Variants in POLR3B observed in about 807,000 individuals in gnomAD.
The protein encoded by POLR3B is DNA-directed RNA polymerase III subunit RPC2.
A neutral mutation model predicts 147.4 loss-of-function variants in POLR3B; 96 were observed. The observed-to-expected ratio is 0.65, with a 90% CI of 0.55 to 0.77. The LOEUF is 0.77. Among genes scored for constraint, POLR3B ranks in the 30% least tolerant of loss-of-function variants. The pLI, the probability that POLR3B is intolerant of heterozygous loss-of-function variation, is 0.00. For synonymous variants in POLR3B, 461 were observed against 485.9 expected (o/e 0.95, Z 0.67); for missense variants, 1,036 against 1,413.5 (o/e 0.73, Z 4.28).
Position 106,357,932 on chromosome 12 carries a change from C to G in POLR3B, c.53C>G (p.Ala18Gly). 1 of 1,613,120 alleles carries G rather than the reference C, an allele frequency of 6.2e-7. No individual in the cohort carries two copies. Among genetic ancestry groups the G allele is most frequent in the Non-Finnish European group, 8.5e-7 (1 of 1,179,940 alleles). The change falls in exon 1 of 28, where the codon GCG (alanine) becomes GGG (glycine). Residue 18 changes from alanine (A) to glycine (G), a missense_variant. Coordinates refer to ENST00000228347, the MANE Select transcript of POLR3B (RefSeq NM_018082.6). ...AACCTGACTCCGGAGCAGCTGGCGG[C>G]GCCGATCCCGACTGTAGAGGTCAGT... ...FGNLTPEQLA[A>G]PIPTVEEKWR...
At chr12:106,502,576 G>T (rs940438843) in intron 26 of POLR3B, among the ~76,000 whole-genome samples, 1 of 152,166 alleles carries the variant, frequency 6.6e-6, no homozygotes, top group African/African-American at 2.4e-5. Context: ...TAACAATGTA[G>T]AGAAGGGGCA....
intron 23 of POLR3B, among the ~76,000 whole-genome samples, chr12:106,468,073 G>A (rs776655500): frequency 2.0e-5 from 3 of 152,104 alleles, no homozygotes; most frequent in African/African-American, 2.4e-5. Context: ...CTGTGAATCC[G>A]TCTGGTCCTG....
chr12:106,396,918 C>T (rs1363415341), intron 10 of POLR3B, among the ~76,000 whole-genome samples: 1 of 151,898 alleles, frequency 6.6e-6, no homozygotes, highest in African/African-American at 2.4e-5. Flanking sequence ...ATAGTGAGAC[C>T]CTGTTTCTAC....
intron 22 of POLR3B, among the ~76,000 whole-genome samples, chr12:106,462,604 A>G (rs563923903): frequency 4.6e-5 from 7 of 152,194 alleles, no homozygotes; most frequent in Non-Finnish European, 8.8e-5. Context: ...AACTTGAGTA[A>G]GTTAAGTAAA....
At chr12:106,394,859 A>T (rs148912135) in intron 10 of POLR3B, among the ~76,000 whole-genome samples, 1 of 152,362 alleles carries the variant, frequency 6.6e-6, no homozygotes, top group Non-Finnish European at 1.5e-5. Flanking sequence ...GGCACATATT[A>T]GCTATTGAAA....
chr12:106,490,135 T>C, intron 23 of POLR3B, among the ~76,000 whole-genome samples: 1 of 152,222 alleles, frequency 6.6e-6, no homozygotes, highest in East Asian at 1.9e-4. Flanking sequence ...GACCTTTCAG[T>C]AAATATCCAA....
intron 1 of POLR3B, among the ~76,000 whole-genome samples, chr12:106,359,395 A>G (rs534380843): frequency 5.7e-4 from 81 of 143,102 alleles, no homozygotes; most frequent in Middle Eastern, 3.9e-3. Context: ...GCAGTGGTGT[A>G]ATCTCGGCTG....
intron 9 of POLR3B, among the ~76,000 whole-genome samples, chr12:106,383,860 C>T (rs1426172542): frequency 1.3e-5 from 2 of 152,064 alleles, no homozygotes; most frequent in Non-Finnish European, 2.9e-5. Flanking sequence ...CATCTGTAAT[C>T]TCAGCTACTT....
intron 12 of POLR3B, among the ~76,000 whole-genome samples, chr12:106,425,950 T>G (rs1186503985): frequency 6.6e-6 from 1 of 152,202 alleles, no homozygotes; most frequent in Non-Finnish European, 1.5e-5. Context: ...GAGTATTTGT[T>G]TTTAATACTC....
chr12:106,489,968 A>C (rs1051590772), intron 23 of POLR3B, among the ~76,000 whole-genome samples: 2 of 152,148 alleles, frequency 1.3e-5, no homozygotes, highest in Non-Finnish European at 2.9e-5. Flanking sequence ...GATCCATCAG[A>C]GTTTCAGTCC....
At chr12:106,442,926 T>C (rs1593044077) in intron 18 of POLR3B, among the ~76,000 whole-genome samples, 2 of 152,330 alleles carry the variant, frequency 1.3e-5, no homozygotes, top group East Asian at 3.9e-4. Flanking sequence ...CTGAATTTTC[T>C]GCAGAAATAT....
rs761678077 is a variant in POLR3B, at chr12:106,430,248, T to A, written c.1264-25T>A. 8.2e-6 allele frequency: 13 copies of A among 1,580,710 alleles called. No homozygotes were observed. In the South Asian group the frequency reaches 1.3e-4, roughly 16 times the overall value. The stretch of plus-strand genomic sequence containing the variant: ...CAACATAGGATTGGGTTAGGAATAG[T>A]CTTATGTCTTTCATCTCCCTACAGG... On this transcript the variant is annotated intron_variant, in intron 13 of 27. Transcript: ENST00000228347.
In POLR3B at chr12:106,393,099, AT is replaced by A; in HGVS notation, c.795del (p.Phe265LeufsTer20). 1 of 1,614,208 alleles carries A rather than the reference AT, an allele frequency of 6.2e-7. No homozygotes were observed. The highest frequency in any genetic ancestry group is 8.5e-7 in the Non-Finnish European group (1 of 1,180,026). ...GAACAGAGGAGCACGTGATGGCTGC[AT>A]TTGGGCCCAGTCTGGAAGAGTGCCA... Reference protein sequence around the residue: ...IGTEEHVMAAFGPSLEECQKA... With the variant: ...IGTEEHVMAAXGPSLEECQKA... On this transcript the variant is annotated frameshift_variant, in exon 10 of 28. Coordinates refer to ENST00000228347, the MANE Select transcript of POLR3B (RefSeq NM_018082.6). LOFTEE classifies it high-confidence loss of function.
intron 9 of POLR3B, among the ~76,000 whole-genome samples, chr12:106,382,765 T>C (rs563456957): frequency 6.6e-6 from 1 of 152,188 alleles, no homozygotes; most frequent in East Asian, 1.9e-4. Context: ...AGAGTAGATA[T>C]AGCATAATTC....
intron 23 of POLR3B, among the ~76,000 whole-genome samples, chr12:106,487,335 T>C (rs550861658): frequency 6.6e-6 from 1 of 152,360 alleles, no homozygotes; most frequent in South Asian, 2.1e-4. Context: ...ACTTAGTTTT[T>C]AATCCTGAGA....
chr12:106,392,913 G>A lies in POLR3B; in HGVS notation c.724-118G>A, dbSNP rs986482199. 58 of 1,298,850 alleles carry A rather than the reference G, an allele frequency of 4.5e-5. No homozygotes were observed. In the South Asian group the frequency reaches 7.8e-4, roughly 17 times the overall value. 80.5% of individuals were successfully genotyped at this position (1,298,850 alleles called of 1,614,324 possible). On this transcript the variant is annotated intron_variant, in intron 9 of 27. Coordinates refer to ENST00000228347, the MANE Select transcript of POLR3B (RefSeq NM_018082.6). ...CAATGCCAGATGGCACCATTTCTGA[G>A]AGAAGAGCTAGCTTTTGCTTAGAAG...
chr12:106,490,959 T>C (rs183280502), intron 23 of POLR3B, among the ~76,000 whole-genome samples: 10 of 152,296 alleles, frequency 6.6e-5, no homozygotes, highest in African/African-American at 2.4e-4. Flanking sequence ...GTCTTGATGA[T>C]GTTAAATGAC....
At chr12:106,417,294 G>A (rs2037317551) in intron 12 of POLR3B, among the ~76,000 whole-genome samples, 1 of 152,174 alleles carries the variant, frequency 6.6e-6, no homozygotes, top group Admixed American at 6.6e-5. Context: ...GGGACTGGAG[G>A]AACTGATAGA....
chr12:106,368,433 A>C (rs977906965), intron 4 of POLR3B, among the ~76,000 whole-genome samples: 1 of 152,158 alleles, frequency 6.6e-6, no homozygotes, highest in Non-Finnish European at 1.5e-5. Context: ...TGATACCTCC[A>C]ATTTCAGTTC....
Sources: gnomAD v4.1 joint callset for allele counts (sites outside exome capture counted in the v4.1 genomes callset) on GRCh38, gnomAD v4.1.1 for gene constraint, MANE v1.5 for transcripts, NCBI Gene and HGNC (gene_info 2026-07-23, HGNC 2026-07-21) for gene names.